Variants in LOC122455340 observed in about 807,000 individuals in gnomAD.
the LOC122455340 span, chr12:53,242,603 AG>A: frequency 2.5e-6 from 1 of 395,814 alleles, no homozygotes; most frequent in Non-Finnish European, 4.4e-6. Context: ...GAGAGGTGGC[AG>A]GGGGAATCTG....
the LOC122455340 span, chr12:53,242,409 C>T: frequency 3.5e-5 from 14 of 397,458 alleles, no homozygotes; most frequent in Admixed American, 8.9e-5. Context: ...GGGACAACAA[C>T]GCACTTCTCG....
chr12:53,242,644 G>C, the LOC122455340 span: 1 of 384,338 alleles, frequency 2.6e-6, no homozygotes, highest in African/African-American at 2.1e-5. Context: ...ATGTGCTCCT[G>C]CTGGTTCCAG....
chr12:53,242,279 C>G, the LOC122455340 span: 4 of 399,350 alleles, frequency 1.0e-5, no homozygotes, highest in African/African-American at 8.2e-5. Flanking sequence ...TTTACCCTTG[C>G]TCCATGAGCC....
the LOC122455340 span, chr12:53,242,700 A>G: frequency 3.1e-6 from 1 of 326,182 alleles, no homozygotes; most frequent in Non-Finnish European, 5.5e-6. Flanking sequence ...TTCTTCTCAG[A>G]GCCTCCCCCA....
chr12:53,242,323 G>A, the LOC122455340 span: 5 of 398,640 alleles, frequency 1.3e-5, no homozygotes, highest in African/African-American at 1.0e-4. Context: ...TTAGGCTGCA[G>A]TGATAGCTGT....
the LOC122455340 span, chr12:53,242,288 C>A: frequency 2.5e-6 from 1 of 399,270 alleles, no homozygotes; most frequent in Non-Finnish European, 4.4e-6. Flanking sequence ...GCTCCATGAG[C>A]CGAGCTGCCT....
the LOC122455340 span, chr12:53,242,143 C>A: frequency 5.0e-6 from 2 of 401,408 alleles, no homozygotes; most frequent in East Asian, 7.1e-5. Context: ...CCCAGCCTCC[C>A]GGGCCCACCC....
At chr12:53,242,200 G>T in the LOC122455340 span, 2 of 400,636 alleles carry the variant, frequency 5.0e-6, no homozygotes. Context: ...CCCTTGACTT[G>T]TCCCCATAAC....
the LOC122455340 span, chr12:53,242,530 G>T: frequency 3.0e-5 from 12 of 397,892 alleles, no homozygotes; most frequent in East Asian, 4.3e-4. Context: ...GGGTGGAGTG[G>T]GAGAGGGATC....
At chr12:53,242,595 G>A in the LOC122455340 span, 1 of 396,590 alleles carries the variant, frequency 2.5e-6, no homozygotes, top group Non-Finnish European at 4.4e-6. Context: ...CAGTCCTGGA[G>A]AGGTGGCAGG....
At chr12:53,241,972 CCCA>C in the LOC122455340 span, 1 of 399,176 alleles carries the variant, frequency 2.5e-6, no homozygotes. Flanking sequence ...AAGAAGCCTG[CCCA>C]CCAAGAGCCT....
chr12:53,242,376 GGCTGCTGTA>G, the LOC122455340 span: 1 of 397,892 alleles, frequency 2.5e-6, no homozygotes, highest in Admixed American at 4.4e-5. Context: ...AGGCTCCCTT[GGCTGCTGTA>G]GCTGCTGCTT....
chr12:53,241,956 A>G, the LOC122455340 span: 1 of 398,592 alleles, frequency 2.5e-6, no homozygotes, highest in East Asian at 3.6e-5. Context: ...CTTGGGGCCT[A>G]GGAATAAGAA....
At chr12:53,242,096 T>C in the LOC122455340 span, 3 of 397,532 alleles carry the variant, frequency 7.5e-6, no homozygotes, top group Non-Finnish European at 1.3e-5. Flanking sequence ...GCTCCTGCAC[T>C]GCCTGTCCCT....
At chr12:53,242,037 C>T in the LOC122455340 span, 7 of 400,302 alleles carry the variant, frequency 1.7e-5, no homozygotes, top group East Asian at 2.5e-4. Flanking sequence ...TCTGTCCTGT[C>T]CCCCATCTGC....
chr12:53,242,197 C>T, the LOC122455340 span: 1 of 400,986 alleles, frequency 2.5e-6, no homozygotes, highest in Non-Finnish European at 4.4e-6. Flanking sequence ...CCTCCCTTGA[C>T]TTGTCCCCAT....
the LOC122455340 span, chr12:53,242,228 C>T: frequency 1.8e-5 from 7 of 399,878 alleles, no homozygotes; most frequent in African/African-American, 4.1e-5. Flanking sequence ...TCTCATGCTC[C>T]GGTCCACCCT....
At chr12:53,242,193 T>C in the LOC122455340 span, 1 of 401,290 alleles carries the variant, frequency 2.5e-6, no homozygotes, top group Non-Finnish European at 4.4e-6. Context: ...CTGTCCTCCC[T>C]TGACTTGTCC....
chr12:53,242,619 G>T, the LOC122455340 span: 25 of 393,846 alleles, frequency 6.3e-5, no homozygotes, highest in African/African-American at 3.1e-4. Flanking sequence ...AATCTGCTTT[G>T]AAGTTAGTTT....
Sources: allele counts gnomAD v4.1 joint callset, GRCh38; gene constraint gnomAD v4.1.1; transcripts MANE v1.5.